Variants in RACGAP1 observed in about 807,000 individuals in gnomAD.
The protein encoded by RACGAP1 is rac GTPase-activating protein 1.
RACGAP1 carries 30 observed loss-of-function variants against 78.1 expected under a neutral mutation model. The observed-to-expected ratio is 0.38, with a 90% CI of 0.29 to 0.52. The LOEUF (loss-of-function observed/expected upper bound fraction) is 0.52, where lower values mean the gene tolerates loss of function less well. Ranked by LOEUF, RACGAP1 falls within the 20% of genes least tolerant of loss-of-function variation. RACGAP1 has a pLI of 0.82. For synonymous variants in RACGAP1, 231 were observed against 264.8 expected, an observed-to-expected ratio of 0.87 and a Z score of 1.24; for missense variants, 587 against 777.1, an observed-to-expected ratio of 0.76 and a Z score of 2.91.
At chr12:50,016,851 C>G (rs1949711877) in intron 1 of RACGAP1, 132 bp from the exon 2 acceptor site, 2 of 1,385,156 alleles carry the variant, frequency 1.4e-6, no homozygotes, top group Non-Finnish European at 1.9e-6. Context: ...GAATCTCAAG[C>G]TAACAACAGA....
chr12:50,000,434 C>A (rs59639956), intron 7 of RACGAP1, among the ~76,000 whole-genome samples: 2 of 151,854 alleles, frequency 1.3e-5, no homozygotes, highest in African/African-American at 2.4e-5. Context: ...GGATTACAGG[C>A]GTGAGCCACC....
At chr12:50,024,426 T>A (rs1257378958) in intron 1 of RACGAP1, among the ~76,000 whole-genome samples, 1 of 152,188 alleles carries the variant, frequency 6.6e-6, no homozygotes, top group African/African-American at 2.4e-5. Flanking sequence ...AAATACCGCA[T>A]GTTCTCACTT....
At chr12:50,020,975 T>G (rs1039953235) in intron 1 of RACGAP1, 1 of 278,824 alleles carries the variant, frequency 3.6e-6, no homozygotes, top group Admixed American at 6.5e-5. Context: ...CAGGAATTAT[T>G]TATAGATGAC....
chr12:49,992,427 G>T, intron 13 of RACGAP1, 50 bp from the exon 14 acceptor site: 2 of 1,596,376 alleles, frequency 1.3e-6, no homozygotes, highest in South Asian at 2.2e-5. Flanking sequence ...CTTAAATGCA[G>T]ACCAAAATAT....
intron 10 of RACGAP1, among the ~76,000 whole-genome samples, chr12:49,994,717 C>T (rs1222532470): frequency 6.6e-6 from 1 of 152,128 alleles, no homozygotes; most frequent in African/African-American, 2.4e-5. Flanking sequence ...ATCATATATA[C>T]CACACTTTTT....
intron 1 of RACGAP1, among the ~76,000 whole-genome samples, chr12:50,017,602 T>C (rs1051645179): frequency 6.6e-6 from 1 of 152,172 alleles, no homozygotes; most frequent in Non-Finnish European, 1.5e-5. Context: ...AGAAAGACAT[T>C]AACTGGATGT....
chr12:50,004,447 A>G, intron 4 of RACGAP1, 143 bp from the exon 5 acceptor site: 1 of 1,338,284 alleles, frequency 7.5e-7, no homozygotes, highest in Admixed American at 2.6e-5. Flanking sequence ...TTACAATCTC[A>G]AACCCTGTGG....
At chr12:49,999,465 T>C (rs1021009496) in intron 8 of RACGAP1, 151 bp downstream of exon 8, 2 of 974,048 alleles carry the variant, frequency 2.1e-6, no homozygotes, top group East Asian at 5.1e-5. Context: ...AGGTAAAGCA[T>C]GACACAAGCA....
upstream of RACGAP1, among the ~76,000 whole-genome samples, chr12:50,026,868 A>C (rs1211609915): frequency 1.3e-5 from 2 of 152,162 alleles, no homozygotes; most frequent in African/African-American, 2.4e-5. Flanking sequence ...TTTGTAGAGA[A>C]GGGTCTCACT....
chr12:50,002,938 G>A (rs1272297993), intron 5 of RACGAP1, among the ~76,000 whole-genome samples: 1 of 151,658 alleles, frequency 6.6e-6, no homozygotes, highest in Non-Finnish European at 1.5e-5. Context: ...GCAGGAGAAT[G>A]GCATAAACCC....
At chr12:50,018,266 C>T (rs542876419) in intron 1 of RACGAP1, among the ~76,000 whole-genome samples, 1 of 151,948 alleles carries the variant, frequency 6.6e-6, no homozygotes, top group South Asian at 2.1e-4. Flanking sequence ...AAAAAAAGTT[C>T]TCAGTTCCAA....
intron 4 of RACGAP1, 122 bp from the exon 5 acceptor site, chr12:50,004,426 T>C: frequency 1.4e-6 from 2 of 1,383,962 alleles, no homozygotes; most frequent in Non-Finnish European, 1.9e-6. Flanking sequence ...AAATCTTCAC[T>C]ATAGAGACAA....
intron 1 of RACGAP1, among the ~76,000 whole-genome samples, chr12:50,022,000 AAAC>A (rs1282622606): frequency 6.6e-6 from 1 of 152,248 alleles, no homozygotes; most frequent in Non-Finnish European, 1.5e-5. Context: ...TGCAGAGAGT[AAAC>A]AAAATGTTCT....
chr12:50,028,225 G>T (rs183792762), upstream of RACGAP1, among the ~76,000 whole-genome samples: 14 of 152,348 alleles, frequency 9.2e-5, no homozygotes, highest in East Asian at 2.7e-3. Context: ...ATCAATCAAT[G>T]AAATGAAATG....
intron 6 of RACGAP1, 110 bp downstream of exon 6, chr12:50,002,137 C>T (rs1010567511): frequency 1.7e-5 from 12 of 726,120 alleles, no homozygotes; most frequent in Non-Finnish European, 4.6e-6. Flanking sequence ...GTAGTATGTG[C>T]TTAACAATGG....
intron 2 of RACGAP1, among the ~76,000 whole-genome samples, chr12:50,010,865 G>T (rs1353910990): frequency 6.6e-6 from 1 of 151,708 alleles, no homozygotes; most frequent in African/African-American, 2.4e-5. Flanking sequence ...CCGGGAGGTG[G>T]AGGTTGCAGT....
At chr12:50,023,185 A>C (rs907564382) in intron 1 of RACGAP1, among the ~76,000 whole-genome samples, 1 of 152,168 alleles carries the variant, frequency 6.6e-6, no homozygotes, top group African/African-American at 2.4e-5. Flanking sequence ...TCTTCAGGTG[A>C]CTGTTTTCCT....
chr12:49,999,796 G>C, intron 7 of RACGAP1, 63 bp from the exon 8 acceptor site: 1 of 1,302,472 alleles, frequency 7.7e-7, no homozygotes, highest in South Asian at 1.2e-5. Context: ...CCACTATAGG[G>C]TATTTTGGAG....
rs142669673 is a variant in RACGAP1, at chr12:49,992,804, C to A, written c.1340-149G>T. The A allele has an allele frequency of 4.6e-4, 256 of 555,662 alleles. 2 individuals are homozygous for A. The East Asian group carries it at 7.8e-3, about 17-fold the overall frequency. The allele number at this position is 555,662 out of a possible 1,614,324, so 34.4% of individuals were successfully genotyped here. On this transcript the variant is annotated intron_variant, in intron 12 of 16. Transcript: ENST00000312377. ...CTACATCAGACTCTAGTTTCATTAA[C>A]AAGCAGGATACTGGCCAACAGCTCA...
Sources: allele counts gnomAD v4.1 joint callset (sites outside exome capture counted in the v4.1 genomes callset), GRCh38; gene constraint gnomAD v4.1.1; transcripts MANE v1.5; gene names NCBI Gene and HGNC (gene_info 2026-07-23, HGNC 2026-07-21).